Variants in CCDC18 observed in about 807,000 individuals in gnomAD.
The protein encoded by CCDC18 is coiled-coil domain containing 18.
CCDC18 carries 157 observed loss-of-function variants against 196.0 expected under a neutral mutation model. That is an observed-to-expected ratio of 0.80 (90% CI 0.70 to 0.91). The LOEUF is 0.91. Ranked by LOEUF, CCDC18 falls within the 40% of genes least tolerant of loss-of-function variation. CCDC18 has a pLI of 0.00. For synonymous variants in CCDC18, 482 were observed against 529.2 expected (o/e 0.91, Z 1.22); for missense variants, 1,465 against 1,611.6 (o/e 0.91, Z 1.56).
chr1:93,216,845 G>T, intron 13 of CCDC18, 99 bp downstream of exon 13: 1 of 603,658 alleles, frequency 1.7e-6, no homozygotes, highest in Non-Finnish European at 2.9e-6. Context: ...AAATATATAG[G>T]AAAGTATAAA....
intron 19 of CCDC18, among the ~76,000 whole-genome samples, chr1:93,237,853 T>A (rs1340872469): frequency 1.3e-5 from 2 of 152,184 alleles, no homozygotes; most frequent in Non-Finnish European, 2.9e-5. Flanking sequence ...ATCTTTAACA[T>A]ACCTCAGCCA....
chr1:93,218,326 A>G (rs1656828538), intron 14 of CCDC18, among the ~76,000 whole-genome samples: 1 of 152,208 alleles, frequency 6.6e-6, no homozygotes, highest in African/African-American at 2.4e-5. Context: ...ATAGTACTGA[A>G]CCTTATATAT....
chr1:93,261,375 G>A (rs1312682506), intron 26 of CCDC18, among the ~76,000 whole-genome samples: 11 of 151,958 alleles, frequency 7.2e-5, no homozygotes, highest in Non-Finnish European at 1.2e-4. Context: ...AATTTTCAAT[G>A]CATAGCCAAT....
chr1:93,234,497 C>G (rs1659745328), intron 18 of CCDC18, among the ~76,000 whole-genome samples: 2 of 152,078 alleles, frequency 1.3e-5, no homozygotes, highest in African/African-American at 4.8e-5. Flanking sequence ...TCTTTGTGAT[C>G]TTGTTTTAAA....
Position 93,214,808 on chromosome 1 carries a change from C to G in CCDC18, c.1561C>G (p.Leu521Val), listed in dbSNP as rs770138038. Residue 521 changes from leucine to valine, a missense_variant, in exon 12 of 29, where the codon CTT becomes GTT. By Grantham distance (32) the Leu-to-Val change is conservative. Transcript: ENST00000690025. ...NKQYEKERQR[L>V]VTGIEELRTK... ...GCAATATGAAAAAGAGAGGCAAAGA[C>G]TTGTTACTGGAATAGAAGAACTACG... 1 of 1,613,396 alleles carries G rather than the reference C, an allele frequency of 6.2e-7. No homozygotes were observed. Among genetic ancestry groups the G allele is most frequent in the Admixed American group, 1.7e-5 (1 of 60,022 alleles).
Position 93,232,402 on chromosome 1 carries a change from GAGAT to G in CCDC18, c.2293-22_2293-19del. The G allele has an allele frequency of 7.2e-7, 1 of 1,383,462 alleles. No individual in the cohort carries two copies. The highest frequency in any genetic ancestry group is 1.0e-6 in the Non-Finnish European group (1 of 996,336). 85.7% of individuals were successfully genotyped at this position (1,383,462 alleles called of 1,614,324 possible). On this transcript the variant is annotated intron_variant, in intron 17 of 28. Transcript: ENST00000690025. ...TATTTGAAACATTGCATTGTATTGA[GAGAT>G]ATATATATATATTTGCCAGGTATAT...
At chr1:93,186,799 C>T (rs1283445706) in intron 4 of CCDC18, among the ~76,000 whole-genome samples, 3 of 151,902 alleles carry the variant, frequency 2.0e-5, no homozygotes, top group Non-Finnish European at 4.4e-5. Context: ...TACTTATCTT[C>T]CCTTTTAAAA....
At chr1:93,269,629 T>C (rs1173463927) in intron 27 of CCDC18, 1 of 152,280 alleles carries the variant, frequency 6.6e-6, no homozygotes, top group African/African-American at 2.4e-5. Context: ...ATATATCTTA[T>C]GGATACCTTT....
chr1:93,180,558 G>T, upstream of CCDC18: 1 of 1,460,374 alleles, frequency 6.8e-7, no homozygotes, highest in South Asian at 1.1e-5. Flanking sequence ...TGGGCATCAT[G>T]GCGGTAATTG....
intron 17 of CCDC18, 23 bp downstream of exon 17, chr1:93,226,472 T>G (rs1312126434): frequency 2.0e-6 from 2 of 980,780 alleles, no homozygotes; most frequent in Non-Finnish European, 3.2e-6. Context: ...TTACTTTATA[T>G]ATAGCATATA....
chr1:93,218,158 A>T (rs1166769388), intron 14 of CCDC18, among the ~76,000 whole-genome samples: 3 of 152,200 alleles, frequency 2.0e-5, no homozygotes, highest in African/African-American at 7.2e-5. Context: ...GAGAGGAAAA[A>T]GCAGAATAAG....
chr1:93,221,953 T>C lies in CCDC18; in HGVS notation c.2175+17T>C. 2 of 1,486,594 alleles carry C rather than the reference T, an allele frequency of 1.3e-6. No homozygotes were observed. The highest frequency in any genetic ancestry group is 1.8e-6 in the Non-Finnish European group (2 of 1,095,636). 92.1% of individuals were successfully genotyped at this position (1,486,594 alleles called of 1,614,324 possible). On this transcript the variant is annotated intron_variant, in intron 16 of 28. Transcript: ENST00000690025. ...ACAATCAAGGCTAGTATGCTAATAC[T>C]TTATTTTTCTTTCTTTCCTTTTTTT...
chr1:93,258,927 T>C, intron 26 of CCDC18, 42 bp downstream of exon 26: 1 of 1,530,494 alleles, frequency 6.5e-7, no homozygotes, highest in South Asian at 1.3e-5. Context: ...CCCACTAAAG[T>C]AGGTTGACCT....
chr1:93,216,982 T>C (rs1345933627), intron 13 of CCDC18, among the ~76,000 whole-genome samples: 2 of 140,936 alleles, frequency 1.4e-5, no homozygotes, highest in Non-Finnish European at 3.0e-5. Context: ...TCGCCCAGGC[T>C]GGAGTGCAGT....
intron 14 of CCDC18, among the ~76,000 whole-genome samples, chr1:93,220,452 C>CA (rs144053290): frequency 0.089 from 13,551 of 151,880 alleles, 1,991 homozygotes; most frequent in African/African-American, 0.31. Flanking sequence ...GGAAGAACAA[C>CA]AAAAACAGTA....
rs377351492 is a variant in CCDC18, at chr1:93,256,564, T to G, written c.3546+26T>G. ...GTAATCCCTATTTTAAATAATCTTATGTATCTGAAATCTTACAAATATTAG... is the reference window on the plus strand; with the variant it reads ...GTAATCCCTATTTTAAATAATCTTAGGTATCTGAAATCTTACAAATATTAG... On this transcript the variant is annotated intron_variant, in intron 25 of 28. Transcript: ENST00000690025. The G allele has an allele frequency of 4.2e-5, 65 of 1,561,556 alleles. No homozygotes were observed. The Middle Eastern group carries it at 5.3e-4, about 13-fold the overall frequency.
At chr1:93,234,665 TATTTA>T (rs71858491) in intron 18 of CCDC18, among the ~76,000 whole-genome samples, 43,311 of 151,884 alleles carry the variant, frequency 0.29, 9,339 homozygotes, top group African/African-American at 0.61. Flanking sequence ...CAGATTTCTC[TATTTA>T]ATTAAGAATT....
chr1:93,215,461 T>C (rs1053910125), intron 12 of CCDC18, among the ~76,000 whole-genome samples: 10 of 151,354 alleles, frequency 6.6e-5, no homozygotes, highest in Admixed American at 4.6e-4. Context: ...TTTTCTTTTT[T>C]TTTTTTTTTC....
chr1:93,243,637 G>C (rs1661124412), intron 21 of CCDC18, among the ~76,000 whole-genome samples: 1 of 152,116 alleles, frequency 6.6e-6, no homozygotes, highest in African/African-American at 2.4e-5. Flanking sequence ...GTCACCTCTG[G>C]AGTGCTTTGT....
Sources: gnomAD v4.1 joint callset for allele counts (sites outside exome capture counted in the v4.1 genomes callset) on GRCh38, gnomAD v4.1.1 for gene constraint, MANE v1.5 for transcripts, NCBI Gene and HGNC (gene_info 2026-07-23, HGNC 2026-07-21) for gene names.